The following FNIP1 variants were observed in gnomAD, a reference collection of about 807,000 sequenced individuals.
The protein encoded by FNIP1 is folliculin interacting protein 1.
Under a neutral mutation model 124.5 loss-of-function variants are expected in FNIP1, and 40 were observed. The observed-to-expected ratio is 0.32, with a 90% CI of 0.25 to 0.42. The LOEUF (loss-of-function observed/expected upper bound fraction) is 0.42, where lower values mean the gene tolerates loss of function less well. Among genes scored for constraint, FNIP1 ranks in the 10% least tolerant of loss-of-function variants. FNIP1 has a pLI of 1.00. For synonymous variants in FNIP1, 472 were observed against 470.6 expected, an observed-to-expected ratio of 1.00 and a Z score of -0.04; for missense variants, 1,176 against 1,403.7, an observed-to-expected ratio of 0.84 and a Z score of 2.59.
intron 1 of FNIP1, among the ~76,000 whole-genome samples, chr5:131,779,470 G>C (rs1487736304): frequency 6.6e-6 from 1 of 151,766 alleles, no homozygotes; most frequent in South Asian, 2.1e-4. Context: ...ACAAGGTCAG[G>C]AGATCGAGAC....
chr5:131,714,249 G>A (rs888240418), intron 6 of FNIP1, among the ~76,000 whole-genome samples: 1 of 152,050 alleles, frequency 6.6e-6, no homozygotes, highest in African/African-American at 2.4e-5. Flanking sequence ...CTGTATAGCG[G>A]GCTGAGACAC....
chr5:131,796,861 G>T lies in FNIP1; in HGVS notation c.61C>A (p.Arg21Ser), dbSNP rs1430801771. Residue 21 changes from arginine to serine, a missense_variant, in exon 1 of 18, where the codon CGC becomes AGC. Around this residue, in one of 2 missense-constraint regions of FNIP1, gnomAD observed 1,109 missense variants for 1,288.5 expected, o/e 0.86. Coordinates refer to ENST00000510461, the MANE Select transcript of FNIP1 (RefSeq NM_133372.3). ...SKRTGLGAPG[R>S]DARDPDCGFS... ...CCGCAATCTGGGTCCCGGGCGTCGC[G>T]GCCGGGCGCGCCCAGCCCGGTCCTC... The T allele has an allele frequency of 6.2e-7, 1 of 1,606,064 alleles. No individual in the cohort carries two copies. The highest frequency in any genetic ancestry group is 2.2e-5 in the East Asian group (1 of 44,640).
chr5:131,774,580 G>C (rs188408571), intron 1 of FNIP1, among the ~76,000 whole-genome samples: 125 of 152,234 alleles, frequency 8.2e-4, no homozygotes, highest in South Asian at 2.3e-3. Flanking sequence ...AGAGTAATCA[G>C]GCTAACTAAT....
intron 1 of FNIP1, among the ~76,000 whole-genome samples, chr5:131,747,588 T>C (rs2149562820): frequency 6.6e-6 from 1 of 151,978 alleles, no homozygotes; most frequent in East Asian, 1.9e-4. Context: ...AAAAGAACAT[T>C]TTAGAAAAGA....
At chr5:131,711,243 T>G (rs1415021851) in intron 6 of FNIP1, among the ~76,000 whole-genome samples, 1 of 152,194 alleles carries the variant, frequency 6.6e-6, no homozygotes. Flanking sequence ...AGTCAGCCAC[T>G]GTGGAAGGAG....
At chr5:131,751,658 G>C (rs1400587313) in intron 1 of FNIP1, among the ~76,000 whole-genome samples, 1 of 151,938 alleles carries the variant, frequency 6.6e-6, no homozygotes, top group South Asian at 2.1e-4. Flanking sequence ...TAAACAAAAT[G>C]TGGTATGTCA....
chr5:131,792,439 G>T (rs1413502413), intron 1 of FNIP1, among the ~76,000 whole-genome samples: 2 of 152,126 alleles, frequency 1.3e-5, no homozygotes, highest in Non-Finnish European at 2.9e-5. Context: ...GGGATTACAG[G>T]CATGAGCCAC....
chr5:131,779,147 T>TAAA (rs78900804), intron 1 of FNIP1, among the ~76,000 whole-genome samples: 1 of 122,808 alleles, frequency 8.1e-6, no homozygotes, highest in Non-Finnish European at 1.8e-5. Context: ...AAAGTATAAT[T>TAAA]AAAAAAAAAA....
At chr5:131,781,651 A>G (rs1235062865) in intron 1 of FNIP1, among the ~76,000 whole-genome samples, 1 of 152,190 alleles carries the variant, frequency 6.6e-6, no homozygotes, top group African/African-American at 2.4e-5. Flanking sequence ...GTTGAGACCT[A>G]CCGCTCAGAA....
intron 8 of FNIP1, among the ~76,000 whole-genome samples, 200 bp downstream of exon 8, chr5:131,709,001 C>T (rs1224183084): frequency 6.6e-6 from 1 of 152,028 alleles, no homozygotes; most frequent in Non-Finnish European, 1.5e-5. Flanking sequence ...TTTACTTCAT[C>T]CTGGCTTTAT....
intron 2 of FNIP1, among the ~76,000 whole-genome samples, chr5:131,734,849 A>T (rs960010465): frequency 6.6e-6 from 1 of 152,224 alleles, no homozygotes; most frequent in African/African-American, 2.4e-5. Context: ...GAATGCTTTT[A>T]CACTGTTGGT....
chr5:131,660,835 G>A (rs955675720), intron 15 of FNIP1, among the ~76,000 whole-genome samples: 6 of 152,240 alleles, frequency 3.9e-5, no homozygotes, highest in African/African-American at 1.4e-4. Context: ...GCCAGCCCAA[G>A]TGGCTGCGTA....
At chr5:131,716,464 T>C in intron 6 of FNIP1, 101 bp downstream of exon 6, 2 of 679,602 alleles carry the variant, frequency 2.9e-6, no homozygotes, top group Non-Finnish European at 4.8e-6. Context: ...TTGAAATTCT[T>C]TGTTATCATG....
At chr5:131,733,108 A>C (rs1770155543) in intron 2 of FNIP1, among the ~76,000 whole-genome samples, 1 of 152,034 alleles carries the variant, frequency 6.6e-6, no homozygotes, top group African/African-American at 2.4e-5. Context: ...ATGGGAGTTC[A>C]CTCATGATTT....
rs77606003 is a variant in FNIP1 at position 131,703,707 on chromosome 5, C to T, written c.1116+358G>A. ...CTTCCTTGCAGGATCCCTTATATAC[C>T]GTTCTCCGTTTTATTTTTCTTCACA... is the stretch of plus-strand genomic sequence containing the variant. On this transcript the variant is annotated intron_variant, in intron 10 of 17. Coordinates refer to ENST00000510461, the MANE Select transcript of FNIP1 (RefSeq NM_133372.3). Among the ~76,000 whole-genome samples the T allele has an allele frequency of 6.2e-3, 947 of 152,256 alleles. 5 individuals carry two copies. Among genetic ancestry groups the T allele is most frequent in the African/African-American group, 0.022 (896 of 41,554 alleles).
Position 131,672,320 on chromosome 5 carries a change from A to C in FNIP1, c.2124T>G (p.Ser708Arg), listed in dbSNP as rs1416918664. 1.2e-6 allele frequency: 2 copies of C among 1,613,878 alleles called. No individual in the cohort carries two copies. The highest frequency in any genetic ancestry group is 2.2e-5 in the East Asian group (1 of 44,870). The change falls in exon 14 of 18, where the codon AGT (serine) becomes AGG (arginine). Residue 708 changes from serine (S) to arginine (R), a missense_variant. Physicochemically the swap from Ser to Arg is moderately radical, Grantham distance 110. Coordinates refer to ENST00000510461, the MANE Select transcript of FNIP1 (RefSeq NM_133372.3). ...GACTGTCTGAATCCAGCAACTTCTC[A>C]CTCTGCCATGTTTCCTCTGTTGACT... ...GLESTEETWQ[S>R]EKLLDSDSHT...
chr5:131,731,704 C>T (rs902245144), intron 2 of FNIP1, among the ~76,000 whole-genome samples: 2 of 151,342 alleles, frequency 1.3e-5, no homozygotes, highest in African/African-American at 4.8e-5. Context: ...TACAAGTTAT[C>T]GAGGATCCCA....
At chr5:131,791,166 T>C (rs1416578003) in intron 1 of FNIP1, among the ~76,000 whole-genome samples, 7 of 152,234 alleles carry the variant, frequency 4.6e-5, no homozygotes, top group African/African-American at 1.4e-4. Flanking sequence ...TCACCTTTTA[T>C]GCTCCCTTTT....
Position 131,727,499 on chromosome 5 carries a change from C to A in FNIP1, c.354+3405G>T, listed in dbSNP as rs982267063. On this transcript the variant is annotated intron_variant, in intron 3 of 17. Coordinates refer to ENST00000510461, the MANE Select transcript of FNIP1 (RefSeq NM_133372.3). ...GTTTTATCAAAGACTAGGATTGCTA[C>A]CCCTGCTTTTTTTTGCTTTCCATTT... is the stretch of plus-strand genomic sequence containing the variant. Among the ~76,000 whole-genome samples, 20 of 152,052 alleles carry A rather than the reference C, an allele frequency of 1.3e-4. 1 individual carries two copies. Among genetic ancestry groups the A allele is most frequent in the Admixed American group, 3.9e-4 (6 of 15,270 alleles).
Sources: gnomAD v4.1 joint callset for allele counts (sites outside exome capture counted in the v4.1 genomes callset) on GRCh38, gnomAD v4.1.1 for gene constraint, gnomAD v4.1.1 regional missense constraint, MANE v1.5 for transcripts, NCBI Gene and HGNC (gene_info 2026-07-23, HGNC 2026-07-21) for gene names.